LCORL: variants seen among roughly 807,000 people sequenced by gnomAD.
LCORL encodes ligand dependent nuclear receptor corepressor like.
LCORL carries 41 observed loss-of-function variants against 141.8 expected under a neutral mutation model. The ratio of observed to expected loss-of-function variants is 0.29; its 90% confidence interval spans 0.23 to 0.38. The LOEUF (loss-of-function observed/expected upper bound fraction) is 0.38, where lower values mean the gene tolerates loss of function less well. Among genes scored for constraint, LCORL ranks in the 10% least tolerant of loss-of-function variants. The pLI is 1.00. For synonymous variants in LCORL, 618 were observed against 694.1 expected (o/e 0.89, Z 1.72); for missense variants, 1,759 against 2,035.0 (o/e 0.86, Z 2.61).
rs578129426 is a variant in LCORL at position 17,912,164 on chromosome 4, A to G, written c.431-2819T>C. ...GCCCGCATTGTTCTGCAGATCGACAATGCCCGTCTTGCTGCTGATGACTTT... is the reference window on the plus strand; with the variant it reads ...GCCCGCATTGTTCTGCAGATCGACAGTGCCCGTCTTGCTGCTGATGACTTT... On this transcript the variant is annotated intron_variant, in intron 4 of 7. Transcript: ENST00000635767. 5.9e-4 allele frequency: 599 copies of G among 1,021,118 alleles called. 2 individuals are homozygous for G. The highest frequency in any genetic ancestry group is 8.5e-4 in the Middle Eastern group (3 of 3,520). 63.3% of individuals were successfully genotyped at this position (1,021,118 alleles called of 1,614,324 possible).
chr4:17,952,744 C>T (rs1253219081), intron 4 of LCORL, among the ~76,000 whole-genome samples: 2 of 152,120 alleles, frequency 1.3e-5, no homozygotes, highest in South Asian at 2.1e-4. Context: ...TTTTATTTTA[C>T]GTTCAGGGGT....
intron 7 of LCORL, among the ~76,000 whole-genome samples, chr4:17,859,272 G>C (rs1273862325): frequency 3.3e-5 from 5 of 151,410 alleles, no homozygotes; most frequent in Non-Finnish European, 7.4e-5. Context: ...TACGATGTTA[G>C]ATAGGTTAAG....
intron 7 of LCORL, among the ~76,000 whole-genome samples, chr4:17,848,284 GA>G (rs1342896995): frequency 1.3e-5 from 2 of 152,166 alleles, no homozygotes; most frequent in African/African-American, 4.8e-5. Flanking sequence ...AGAATTCTTA[GA>G]ATACAGCTAT....
Position 17,853,309 on chromosome 4 carries a change from G to C in LCORL, c.5603-7408C>G, listed in dbSNP as rs912864471. Among the ~76,000 whole-genome samples the C allele has an allele frequency of 2.6e-5, 4 of 152,048 alleles. No individual in the cohort carries two copies. The East Asian group carries it at 7.7e-4, about 29-fold the overall frequency. ...TTAGTGGACAAGTGTATGGTTTATA[G>C]GTTTCAAACAGAAAGATATGCCTAA... On this transcript the variant is annotated intron_variant, in intron 7 of 7. Transcript: ENST00000635767.
chr4:17,947,828 A>G (rs1465961766), intron 4 of LCORL, among the ~76,000 whole-genome samples: 4 of 151,986 alleles, frequency 2.6e-5, no homozygotes, highest in African/African-American at 9.7e-5. Context: ...CTTTTTGGCA[A>G]AGCACATCTA....
At chr4:17,890,308 C>T (rs1728892591) in intron 5 of LCORL, among the ~76,000 whole-genome samples, 1 of 152,000 alleles carries the variant, frequency 6.6e-6, no homozygotes, top group African/African-American at 2.4e-5. Context: ...GTGAAAAAGA[C>T]AGTGTATTTA....
At chr4:17,842,602 T>TATC (rs1056181196) in exon 8 of LCORL, 6 of 445,454 alleles carry the variant, frequency 1.3e-5, no homozygotes, top group African/African-American at 6.0e-5. Context: ...TCTTTAGTAC[T>TATC]ATCTTTAATA....
intron 4 of LCORL, among the ~76,000 whole-genome samples, chr4:17,927,526 A>T (rs1387723403): frequency 6.6e-6 from 1 of 152,142 alleles, no homozygotes; most frequent in African/African-American, 2.4e-5. Flanking sequence ...TGTCTTTCTC[A>T]CTAAGCTTAG....
At chr4:17,903,457 T>G (rs1731170772) in intron 5 of LCORL, among the ~76,000 whole-genome samples, 1 of 152,006 alleles carries the variant, frequency 6.6e-6, no homozygotes, top group African/African-American at 2.4e-5. Flanking sequence ...ACATTGGAAT[T>G]TAGGAGTTTT....
At chr4:17,927,524 T>C (rs969314292) in intron 4 of LCORL, among the ~76,000 whole-genome samples, 2 of 152,240 alleles carry the variant, frequency 1.3e-5, no homozygotes, top group Non-Finnish European at 2.9e-5. Flanking sequence ...TATGTCTTTC[T>C]CACTAAGCTT....
chr4:17,954,787 G>C (rs1172094925), intron 4 of LCORL, among the ~76,000 whole-genome samples: 1 of 152,122 alleles, frequency 6.6e-6, no homozygotes. Flanking sequence ...GAAGGCTCCT[G>C]GCCTTTCAGC....
chr4:17,939,243 C>G (rs908248792), intron 4 of LCORL, among the ~76,000 whole-genome samples: 1 of 152,126 alleles, frequency 6.6e-6, no homozygotes, highest in African/African-American at 2.4e-5. Context: ...ATTTCACACC[C>G]ACTAGAACAG....
At chr4:17,842,547 T>C (rs962489455) in exon 8 of LCORL, 5 of 581,110 alleles carry the variant, frequency 8.6e-6, no homozygotes, top group African/African-American at 7.6e-5. Context: ...TCAAGAGCAT[T>C]TGACTTCTTA....
chr4:17,920,735 T>A (rs1038287009), intron 4 of LCORL, among the ~76,000 whole-genome samples: 8 of 152,254 alleles, frequency 5.3e-5, no homozygotes, highest in Admixed American at 1.3e-4. Flanking sequence ...GCTCACAGCA[T>A]CTTTGCCAGA....
chr4:17,963,892 CTG>C (rs1382041757), intron 2 of LCORL, among the ~76,000 whole-genome samples: 4 of 152,032 alleles, frequency 2.6e-5, no homozygotes, highest in Non-Finnish European at 5.9e-5. Flanking sequence ...GGCAGCTATA[CTG>C]TGACTGATTT....
At chr4:17,955,653 G>A (rs1051522276) in intron 4 of LCORL, among the ~76,000 whole-genome samples, 1 of 152,040 alleles carries the variant, frequency 6.6e-6, no homozygotes, top group African/African-American at 2.4e-5. Context: ...AGAGGAAATC[G>A]ACTAAATAAA....
intron 1 of LCORL, among the ~76,000 whole-genome samples, chr4:17,996,261 AT>A (rs1386561035): frequency 6.6e-6 from 1 of 152,084 alleles, no homozygotes; most frequent in African/African-American, 2.4e-5. Flanking sequence ...GAATTTTTAT[AT>A]TTATAGCACT....
chr4:17,912,955 G>T, intron 4 of LCORL: 1 of 460,512 alleles, frequency 2.2e-6, no homozygotes, highest in South Asian at 1.8e-5. Flanking sequence ...CGAGACCAGT[G>T]ACACCAAAGT....
chr4:17,851,145 G>A (rs1409900049), intron 7 of LCORL, among the ~76,000 whole-genome samples: 2 of 114,880 alleles, frequency 1.7e-5, no homozygotes, highest in East Asian at 3.2e-4. Context: ...GGGGGAGGGG[G>A]GAGGGATAGC....
Sources: gnomAD v4.1 joint callset for allele counts (sites outside exome capture counted in the v4.1 genomes callset) on GRCh38, gnomAD v4.1.1 for gene constraint, MANE v1.5 for transcripts, NCBI Gene and HGNC (gene_info 2026-07-23, HGNC 2026-07-21) for gene names.